The following LMBR1 variants were observed in gnomAD, a reference collection of about 807,000 sequenced individuals.
LMBR1 encodes the protein limb development membrane protein 1, also known as limb region 1 protein homolog.
A neutral mutation model predicts 73.9 loss-of-function variants in LMBR1; 52 were observed. The ratio of observed to expected loss-of-function variants is 0.70; its 90% CI spans 0.56 to 0.89. The LOEUF (loss-of-function observed/expected upper bound fraction) is 0.89. Ranked by LOEUF, LMBR1 falls within the 40% of genes least tolerant of loss-of-function variation. The pLI, the probability that LMBR1 is intolerant of heterozygous loss-of-function variation, is 0.00. For synonymous variants in LMBR1, 215 were observed against 209.4 expected (o/e 1.03, Z -0.23); for missense variants, 539 against 579.8 (o/e 0.93, Z 0.72).
At chr7:156,872,601 C>T (rs897835331) in intron 1 of LMBR1, among the ~76,000 whole-genome samples, 1 of 151,278 alleles carries the variant, frequency 6.6e-6, no homozygotes. Context: ...GAGCCGAGAT[C>T]GCATCATTGG....
intron 4 of LMBR1, among the ~76,000 whole-genome samples, chr7:156,805,167 G>A (rs1782826841): frequency 6.6e-6 from 1 of 150,562 alleles, no homozygotes; most frequent in Non-Finnish European, 1.5e-5. Context: ...ATCCTGGACA[G>A]TCTATTCTGC....
intron 1 of LMBR1, among the ~76,000 whole-genome samples, chr7:156,837,840 A>T (rs1198099583): frequency 1.4e-5 from 2 of 146,620 alleles, no homozygotes; most frequent in Non-Finnish European, 3.0e-5. Flanking sequence ...AGGCAGGAGT[A>T]CAGTGGCACA....
intron 10 of LMBR1, among the ~76,000 whole-genome samples, chr7:156,731,754 T>C (rs563079705): frequency 4.6e-5 from 7 of 152,164 alleles, no homozygotes; most frequent in African/African-American, 1.4e-4. Flanking sequence ...GAAACACCAC[T>C]TCACATCCAC....
In LMBR1 at chr7:156,681,311, A is replaced by G; in HGVS notation, c.*2767T>C. On this transcript the variant is annotated 3_prime_UTR_variant, in exon 17 of 17. Transcript: ENST00000353442. Reference sequence around the variant, plus strand: ...AACACATCTGAGAGCAAAACGCGAGAGGCTCCGTCCATCTCTACTAACCAG... The same window carrying G: ...AACACATCTGAGAGCAAAACGCGAGGGGCTCCGTCCATCTCTACTAACCAG... 2.7e-6 allele frequency: 1 copy of G among 373,592 alleles called. No individual in the cohort carries two copies. The highest frequency in any genetic ancestry group is 2.2e-5 in the African/African-American group (1 of 46,398). 23.1% of individuals were successfully genotyped at this position (373,592 alleles called of 1,614,324 possible).
chr7:156,671,994 A>G (rs913760444), intron 4 of LMBR1, among the ~76,000 whole-genome samples: 1 of 152,242 alleles, frequency 6.6e-6, no homozygotes, highest in Admixed American at 6.5e-5. Flanking sequence ...TATTTCATCA[A>G]AACTTGTGGA....
At chr7:156,855,370 T>C (rs540407786) in intron 1 of LMBR1, among the ~76,000 whole-genome samples, 20 of 152,150 alleles carry the variant, frequency 1.3e-4, no homozygotes, top group Non-Finnish European at 2.5e-4. Context: ...GACTACACAA[T>C]GTTCCCCTCT....
At chr7:156,771,503 G>A (rs1311807197) in intron 5 of LMBR1, among the ~76,000 whole-genome samples, 2 of 151,888 alleles carry the variant, frequency 1.3e-5, no homozygotes, top group African/African-American at 2.4e-5. Flanking sequence ...CAAACATTCC[G>A]GGAAACATAC....
chr7:156,719,635 C>T (rs1431400047), intron 15 of LMBR1, among the ~76,000 whole-genome samples: 2 of 151,846 alleles, frequency 1.3e-5, no homozygotes, highest in East Asian at 1.9e-4. Context: ...AAAAAGAGCC[C>T]GCATCGCCAA....
chr7:156,823,750 T>C (rs1026381950), intron 4 of LMBR1: 6 of 152,140 alleles, frequency 3.9e-5, no homozygotes, highest in Admixed American at 2.6e-4. Context: ...GAAAACACAA[T>C]ATAATATTAA....
Position 156,798,778 on chromosome 7 carries a change from C to T in LMBR1, c.320-2286G>A, listed in dbSNP as rs142534813. Among the ~76,000 whole-genome samples, 1,512 of 152,116 alleles carry T rather than the reference C, an allele frequency of 9.9e-3. 26 individuals are homozygous for T. Among genetic ancestry groups the T allele is most frequent in the African/African-American group, 0.034 (1,403 of 41,488 alleles). On this transcript the variant is annotated intron_variant, in intron 4 of 16. Transcript: ENST00000353442. ...TTAGGCGTGGTGAAAAATACATGAC[C>T]GTTTCAAATCATTTGTGTTATGAAA...
At chr7:156,675,016 G>A (rs150974077), downstream of LMBR1, among the ~76,000 whole-genome samples, 2 of 152,166 alleles carry the variant, frequency 1.3e-5, no homozygotes, top group African/African-American at 2.4e-5. Flanking sequence ...CTGGAGCCCT[G>A]TAAGTTAAGC....
In LMBR1 at chr7:156,682,898, C is replaced by T. The variant is rs1347111201; in HGVS notation, c.*1180G>A. The T allele has an allele frequency of 6.6e-6, 1 of 152,184 alleles. No individual in the cohort carries two copies. Among genetic ancestry groups the T allele is most frequent in the African/African-American group, 2.4e-5 (1 of 41,442 alleles). The allele number at this position is 152,184 out of a possible 1,614,324, so 9.4% of individuals were successfully genotyped here. A position where few individuals can be genotyped will look rare whatever the true frequency, so the allele number is the denominator to read the frequency against. On this transcript the variant is annotated 3_prime_UTR_variant, in exon 17 of 17. Transcript: ENST00000353442. ...GGCCCATCTCCTATTTTTGCATGCA[C>T]AGATTTCGGTATTCTATCCTAGTGG...
chr7:156,855,333 CAATAA>C (rs1796790784), intron 1 of LMBR1, among the ~76,000 whole-genome samples: 1 of 152,114 alleles, frequency 6.6e-6, no homozygotes, highest in African/African-American at 2.4e-5. Context: ...GGCATAGGCT[CAATAA>C]AAGACTGAGA....
chr7:156,794,144 T>A (rs1342616571), intron 5 of LMBR1, among the ~76,000 whole-genome samples: 1 of 152,216 alleles, frequency 6.6e-6, no homozygotes, highest in Admixed American at 6.5e-5. Flanking sequence ...ATTGGATTCA[T>A]AGTTGCCTGT....
At chr7:156,699,480 A>G (rs890917182) in intron 15 of LMBR1, among the ~76,000 whole-genome samples, 6 of 151,724 alleles carry the variant, frequency 4.0e-5, no homozygotes, top group Non-Finnish European at 8.8e-5. Flanking sequence ...AATACCATTC[A>G]GGACATAGGC....
chr7:156,775,833 G>T (rs17837693), intron 5 of LMBR1, among the ~76,000 whole-genome samples: 28,184 of 151,566 alleles, frequency 0.19, 3,076 homozygotes, highest in African/African-American at 0.3. Context: ...TTAAAAAATA[G>T]ATCTGATTTC....
chr7:156,886,475 G>C (rs1458013970), intron 1 of LMBR1, among the ~76,000 whole-genome samples: 1 of 152,186 alleles, frequency 6.6e-6, no homozygotes, highest in African/African-American at 2.4e-5. Context: ...GTCAGATGGC[G>C]AAGCAGGGAC....
intron 4 of LMBR1, among the ~76,000 whole-genome samples, chr7:156,820,490 C>T (rs75636030): frequency 0.032 from 4,843 of 152,202 alleles, 124 homozygotes; most frequent in South Asian, 0.085. Flanking sequence ...AAGTTAACAA[C>T]CACTCTAAAC....
At chr7:156,691,280 G>A (rs1332595691) in intron 15 of LMBR1, among the ~76,000 whole-genome samples, 1 of 152,128 alleles carries the variant, frequency 6.6e-6, no homozygotes, top group Non-Finnish European at 1.5e-5. Flanking sequence ...AGTAAGTTAA[G>A]CAGTAGTTAA....
Sources: allele counts gnomAD v4.1 joint callset (sites outside exome capture counted in the v4.1 genomes callset), GRCh38; gene constraint gnomAD v4.1.1; transcripts MANE v1.5; gene names NCBI Gene and HGNC (gene_info 2026-07-23, HGNC 2026-07-21).